The following GSTZ1 variants were observed in gnomAD, a reference collection of about 807,000 sequenced individuals.
GSTZ1 encodes the protein maleylacetoacetate isomerase.
In GSTZ1, 34 loss-of-function variants were observed where a neutral mutation model predicts 35.9. The ratio of observed to expected loss-of-function variants is 0.95; its 90% CI spans 0.72 to 1.26. The LOEUF (loss-of-function observed/expected upper bound fraction) is 1.26. Among genes scored for constraint, GSTZ1 ranks in the 50% most tolerant of loss-of-function variants. The probability of loss-of-function intolerance (pLI) is 0.00; values close to 1 mark genes in which losing one functional copy is unlikely to be tolerated. For missense variants in GSTZ1, 263 were observed against 271.7 expected, an observed-to-expected ratio of 0.97 and a Z score of 0.23; for synonymous variants, 93 against 101.2, an observed-to-expected ratio of 0.92 and a Z score of 0.49.
chr14:77,329,831 A>C (rs773199461), intron 7 of GSTZ1, 24 bp downstream of exon 7: 1 of 1,591,260 alleles, frequency 6.3e-7, no homozygotes, highest in African/African-American at 1.3e-5. Flanking sequence ...AGACCTCCCC[A>C]GGCCCAGCCA....
rs947200090 is a variant in GSTZ1, at chr14:77,326,722, G to A, written c.68-116G>A. On this transcript the variant is annotated intron_variant, in intron 2 of 8. Coordinates refer to ENST00000216465, the MANE Select transcript of GSTZ1 (RefSeq NM_145870.3). ...TGCCACGGTGAGCCTTGACCACCCAGAAGTGTTAGAGAAGCCTCCCCCTCT... is the reference window on the plus strand; with the variant it reads ...TGCCACGGTGAGCCTTGACCACCCAAAAGTGTTAGAGAAGCCTCCCCCTCT... 13 of 705,974 alleles carry A rather than the reference G, an allele frequency of 1.8e-5. No individual in the cohort carries two copies. The African/African-American group carries it at 2.3e-4, about 13-fold the overall frequency. The allele number at this position is 705,974 out of a possible 1,614,324, so 43.7% of individuals were successfully genotyped here.
intron 5 of GSTZ1, 62 bp from the exon 6 acceptor site, chr14:77,329,061 G>C: frequency 8.5e-7 from 1 of 1,171,994 alleles, no homozygotes; most frequent in South Asian, 1.2e-5. Flanking sequence ...GAGGGGGTTT[G>C]GCGAAGGGGT....
At chr14:77,324,999 C>A in intron 2 of GSTZ1, 78 bp downstream of exon 2, 1 of 1,230,298 alleles carries the variant, frequency 8.1e-7, no homozygotes, top group Non-Finnish European at 1.2e-6. Flanking sequence ...CAAAGCTGGC[C>A]TGGGATGGAA....
chr14:77,321,193 G>A lies in GSTZ1; in HGVS notation c.15+10G>A. 6 of 1,483,140 alleles carry A rather than the reference G, an allele frequency of 4.0e-6. No individual in the cohort carries two copies. The highest frequency in any genetic ancestry group is 5.4e-6 in the Non-Finnish European group (6 of 1,109,118). The allele number at this position is 1,483,140 out of a possible 1,614,324, so 91.9% of individuals were successfully genotyped here. On this transcript the variant is annotated intron_variant, in intron 1 of 8. Transcript: ENST00000216465. ...GATGCAGGCGGGGAAGGTCTGTGAC[G>A]CGCACCCGGGTGGAGGGAAGCTGGT... is the stretch of plus-strand genomic sequence containing the variant.
chr14:77,330,094 GGTT>G (rs1353074471), intron 7 of GSTZ1: 21 of 695,354 alleles, frequency 3.0e-5, no homozygotes, highest in Non-Finnish European at 5.0e-5. Flanking sequence ...CCACAGAGTT[GGTT>G]GTCAGGGCAA....
chr14:77,321,772 A>G (rs987409781), intron 1 of GSTZ1, among the ~76,000 whole-genome samples: 2 of 151,696 alleles, frequency 1.3e-5, no homozygotes, highest in Non-Finnish European at 1.5e-5. Flanking sequence ...AGTCCCAGCT[A>G]CTCGGGAGGC....
intron 1 of GSTZ1, 73 bp downstream of exon 1, chr14:77,321,256 G>T: frequency 6.5e-7 from 1 of 1,527,590 alleles, no homozygotes; most frequent in South Asian, 1.2e-5. Flanking sequence ...GGTCAGAAGT[G>T]AGCTGCACCG....
chr14:77,324,738 G>A, intron 1 of GSTZ1, 132 bp from the exon 2 acceptor site: 1 of 1,154,272 alleles, frequency 8.7e-7, no homozygotes, highest in South Asian at 1.3e-5. Flanking sequence ...AGAGCTTGGA[G>A]TCTGCCCTGA....
chr14:77,324,290 C>G, intron 1 of GSTZ1: 1 of 400,118 alleles, frequency 2.5e-6, no homozygotes, highest in Non-Finnish European at 4.7e-6. Context: ...TTACAGGCAC[C>G]CACTACCACA....
rs893145800 is a variant in GSTZ1 at position 77,321,172 on chromosome 14, C to T, written c.4C>T (p.Gln2Ter). 6 of 1,462,378 alleles carry T rather than the reference C, an allele frequency of 4.1e-6. No individual in the cohort carries two copies. The Admixed American group carries it at 1.6e-4, about 38-fold the overall frequency. The allele number at this position is 1,462,378 out of a possible 1,614,324, so 90.6% of individuals were successfully genotyped here. M[Q>*]AGKPILYSYF... ...AGGGGGTCGCGCGAAGTGCCAGATGCAGGCGGGGAAGGTCTGTGACGCGCA... is the reference window on the plus strand; with the variant it reads ...AGGGGGTCGCGCGAAGTGCCAGATGTAGGCGGGGAAGGTCTGTGACGCGCA... Residue 2 changes from glutamine to a stop codon, truncating the protein, a stop_gained, in exon 1 of 9, where the codon CAG becomes TAG. Transcript: ENST00000216465. LOFTEE classifies it high-confidence loss of function.
chr14:77,329,974 A>G, intron 7 of GSTZ1, 167 bp downstream of exon 7: 1 of 656,924 alleles, frequency 1.5e-6, no homozygotes, highest in Non-Finnish European at 2.8e-6. Context: ...GGAGTTACTC[A>G]AGGTAGAAGA....
At chr14:77,322,684 C>G in intron 1 of GSTZ1, 1 of 985,430 alleles carries the variant, frequency 1.0e-6, no homozygotes, top group Non-Finnish European at 1.2e-6. Context: ...CACTTTCTGC[C>G]CATCACCTGC....
chr14:77,330,961 A>G (rs1892596909), intron 8 of GSTZ1, 108 bp from the exon 9 acceptor site: 1 of 1,043,784 alleles, frequency 9.6e-7, no homozygotes, highest in Non-Finnish European at 1.4e-6. Context: ...TTCCCTGGAC[A>G]GCTCCCTCGA....
intron 6 of GSTZ1, 142 bp from the exon 7 acceptor site, chr14:77,329,613 G>A: frequency 1.4e-6 from 1 of 707,910 alleles, no homozygotes; most frequent in East Asian, 2.5e-5. Flanking sequence ...CTCGAGACCT[G>A]GCTGCCACAT....
At chr14:77,322,790 G>C in intron 1 of GSTZ1, 1 of 817,230 alleles carries the variant, frequency 1.2e-6, no homozygotes, top group Non-Finnish European at 1.5e-6. Context: ...AAGGGCCTAG[G>C]TTCCCACTTA....
At chr14:77,327,288 G>T (rs1566673667) in intron 3 of GSTZ1, 184 bp from the exon 4 acceptor site, 9 of 616,438 alleles carry the variant, frequency 1.5e-5, no homozygotes, top group Admixed American at 2.9e-5. Context: ...CTATGGCTCA[G>T]CAGCAGCTGG....
Position 77,331,397 on chromosome 14 carries a change from AG to A in GSTZ1, c.*205del, listed in dbSNP as rs1892622373. 1.8e-5 allele frequency: 10 copies of A among 571,332 alleles called. No individual in the cohort carries two copies. Among genetic ancestry groups the A allele is most frequent in the Admixed American group, 1.2e-4 (4 of 32,656 alleles). 35.4% of individuals were successfully genotyped at this position (571,332 alleles called of 1,614,324 possible). ...GGTGGAGTAGGGAGATGCGGGGAGC[AG>A]GGTGGGCAGGAATACTGTTATCTAT... On this transcript the variant is annotated 3_prime_UTR_variant, in exon 9 of 9. Transcript: ENST00000216465.
At chr14:77,327,764 G>C (rs1892403818) in intron 4 of GSTZ1, 148 bp from the exon 5 acceptor site, 7 of 796,544 alleles carry the variant, frequency 8.8e-6, no homozygotes, top group Non-Finnish European at 1.2e-5. Context: ...GGTCCAAAAA[G>C]GCTTATAGGG....
At position 77,326,586 on chromosome 14, in the gene GSTZ1, G is replaced by C. The variant is rs193105533; in HGVS notation, c.68-252G>C. On this transcript the variant is annotated intron_variant, in intron 2 of 8. Coordinates refer to ENST00000216465, the MANE Select transcript of GSTZ1 (RefSeq NM_145870.3). The stretch of plus-strand genomic sequence containing the variant: ...TCCAGGGGGCATGAGGGCCCCATTG[G>C]GGGGGTCCAGATCTTGAGGTCTCTA... 9.3e-5 allele frequency: 43 copies of C among 460,278 alleles called. No homozygotes were observed. In the East Asian group the frequency reaches 9.6e-4, roughly 10 times the overall value. The allele number at this position is 460,278 out of a possible 1,614,324, so 28.5% of individuals were successfully genotyped here.
Sources: allele counts gnomAD v4.1 joint callset (sites outside exome capture counted in the v4.1 genomes callset), GRCh38; gene constraint gnomAD v4.1.1; transcripts MANE v1.5; gene names NCBI Gene and HGNC (gene_info 2026-07-23, HGNC 2026-07-21).